The following DNAH6 variants were observed in gnomAD, a reference collection of about 807,000 sequenced individuals.
DNAH6 encodes the protein dynein axonemal heavy chain 6, also known as axonemal beta dynein heavy chain 6.
In DNAH6, 340 loss-of-function variants were observed where a neutral mutation model predicts 491.4. The ratio of observed to expected loss-of-function variants is 0.69; its 90% CI spans 0.63 to 0.76. The LOEUF is 0.76. Among genes scored for constraint, DNAH6 ranks in the 30% least tolerant of loss-of-function variants. The pLI is 0.00. For missense variants in DNAH6, 4,443 were observed against 4,972.2 expected (o/e 0.89, Z 3.20); for synonymous variants, 1,603 against 1,686.1 (o/e 0.95, Z 1.21).
At chr2:84,731,957 A>G (rs962377494) in intron 61 of DNAH6, among the ~76,000 whole-genome samples, 7 of 152,226 alleles carry the variant, frequency 4.6e-5, no homozygotes, top group African/African-American at 1.2e-4. Context: ...GTGGTGCTTA[A>G]CAGCTAGATG....
intron 64 of DNAH6, among the ~76,000 whole-genome samples, chr2:84,765,117 T>C (rs574093062): frequency 6.6e-6 from 1 of 152,050 alleles, no homozygotes; most frequent in Non-Finnish European, 1.5e-5. Context: ...GAATAAAATA[T>C]GTAAAATTAT....
At chr2:84,778,315 C>T (rs377048366) in intron 64 of DNAH6, 171 of 491,202 alleles carry the variant, frequency 3.5e-4, no homozygotes, top group African/African-American at 3.0e-3. Flanking sequence ...GGCAGTGGCT[C>T]CAGCGCCTGG....
At chr2:84,533,001 G>GA (rs1017057682) in intron 4 of DNAH6, among the ~76,000 whole-genome samples, 23 of 152,092 alleles carry the variant, frequency 1.5e-4, no homozygotes, top group Non-Finnish European at 2.9e-4. Flanking sequence ...ACACGTATGA[G>GA]AAAAATATGC....
At chr2:84,688,685 A>G in intron 45 of DNAH6, 92 bp downstream of exon 45, 1 of 1,016,174 alleles carries the variant, frequency 9.8e-7, no homozygotes, top group East Asian at 3.2e-5. Context: ...CTTCAAACAG[A>G]TTGCTAGATG....
intron 53 of DNAH6, among the ~76,000 whole-genome samples, chr2:84,707,285 G>A (rs1486433947): frequency 6.6e-6 from 1 of 152,170 alleles, no homozygotes; most frequent in Non-Finnish European, 1.5e-5. Flanking sequence ...AGAAAGCACT[G>A]TCTTCAACCA....
chr2:84,624,983 A>T lies in DNAH6; in HGVS notation c.4435A>T (p.Thr1479Ser). The T allele has an allele frequency of 6.4e-7, 1 of 1,551,650 alleles. No individual in the cohort carries two copies. The highest frequency in any genetic ancestry group is 8.7e-7 in the Non-Finnish European group (1 of 1,146,936). ...APAGPAGTGKTETTKDLAKAL... is the reference protein window; with the variant it reads ...APAGPAGTGKSETTKDLAKAL... ...AGCTGGTCCTGCTGGCACTGGGAAA[A>T]CAGAGACTACCAAAGATCTGGCAAA... Residue 1479 changes from threonine to serine, a missense_variant, in exon 29 of 77, where the codon ACA (threonine) becomes TCA (serine). Thr to Ser is a moderately conservative substitution (Grantham distance 58, BLOSUM62 1). Coordinates refer to ENST00000389394, the MANE Select transcript of DNAH6 (RefSeq NM_001370.2).
chr2:84,598,120 A>ATCTTTCTTTTCTTTCTTTCTTTCTTTCTT (rs1684797849), intron 18 of DNAH6, among the ~76,000 whole-genome samples: 1 of 107,950 alleles, frequency 9.3e-6, no homozygotes, highest in Non-Finnish European at 2.2e-5. Context: ...GGTTCTTTCT[A>ATCTTTCTTTTCTTTCTTTCTTTCTTTCTT]TCTTTCTTTT....
chr2:84,708,475 A>AGG (rs137904290), intron 54 of DNAH6, among the ~76,000 whole-genome samples: 1,879 of 49,620 alleles, frequency 0.038, 58 homozygotes, highest in Admixed American at 0.056. Context: ...AAAGAGAGAA[A>AGG]GGGGGGGGGG....
In DNAH6 at chr2:84,619,918, A is replaced by G. The variant is rs73943315; in HGVS notation, c.3792+14A>G. The G allele has an allele frequency of 2.4e-3, 3,683 of 1,541,418 alleles. 68 individuals are homozygous for G. In the African/African-American group the frequency reaches 0.043, roughly 18 times the overall value. On this transcript the variant is annotated intron_variant, in intron 24 of 76. Transcript: ENST00000389394. ...GAGGGAGAAAGGGTGAGGTGCTTTT[A>G]TTTATATTTCTTTATTGATGAACTT...
At chr2:84,659,795 A>G (rs1257999106) in intron 37 of DNAH6, among the ~76,000 whole-genome samples, 4 of 152,098 alleles carry the variant, frequency 2.6e-5, no homozygotes, top group Non-Finnish European at 5.9e-5. Context: ...CAGCCTGTGC[A>G]ATATAGCAAG....
chr2:84,679,309 C>T (rs1015776355), intron 41 of DNAH6, among the ~76,000 whole-genome samples: 2 of 152,160 alleles, frequency 1.3e-5, no homozygotes, highest in African/African-American at 4.8e-5. Context: ...AATGCCCAGA[C>T]ACGATTTGCA....
At chr2:84,613,785 A>G (rs1438393138) in intron 22 of DNAH6, among the ~76,000 whole-genome samples, 1 of 152,066 alleles carries the variant, frequency 6.6e-6, no homozygotes, top group Non-Finnish European at 1.5e-5. Context: ...TTCATATCAA[A>G]TATACTTGTT....
chr2:84,651,878 A>G (rs1325649620), intron 33 of DNAH6, among the ~76,000 whole-genome samples: 2 of 151,094 alleles, frequency 1.3e-5, no homozygotes, highest in African/African-American at 4.9e-5. Context: ...ATACATTTCT[A>G]TTTTTACAGC....
In DNAH6 at chr2:84,706,793, GA is replaced by G. The variant is rs2104851832; in HGVS notation, c.8728-99del. ...ATCACATCAAAGTCTTTTTGGACAT[GA>G]AAAGAGGAACATATATAAAATTTTT... On this transcript the variant is annotated intron_variant, in intron 52 of 76. Transcript: ENST00000389394. 3 of 1,349,306 alleles carry G rather than the reference GA, an allele frequency of 2.2e-6. No homozygotes were observed. The African/African-American group carries it at 4.6e-5, about 21-fold the overall frequency. The allele number at this position is 1,349,306 out of a possible 1,614,324, so 83.6% of individuals were successfully genotyped here. A position where few individuals can be genotyped will look rare whatever the true frequency, so the allele number is the denominator to read the frequency against.
chr2:84,729,389 C>G (rs1698939312), intron 61 of DNAH6, among the ~76,000 whole-genome samples: 1 of 152,216 alleles, frequency 6.6e-6, no homozygotes, highest in Non-Finnish European at 1.5e-5. Flanking sequence ...CCAGTTCACT[C>G]TGCTGCTGAC....
chr2:84,710,195 A>AG (rs1696895789), intron 55 of DNAH6, 92 bp from the exon 56 acceptor site: 1 of 1,462,560 alleles, frequency 6.8e-7, no homozygotes, highest in East Asian at 2.5e-5. Flanking sequence ...TCTAGATTGA[A>AG]TAACATTTCC....
intron 28 of DNAH6, 24 bp from the exon 29 acceptor site, chr2:84,624,878 T>G: frequency 1.3e-6 from 2 of 1,525,278 alleles, no homozygotes; most frequent in Non-Finnish European, 1.8e-6. Context: ...TCCCTTCATA[T>G]TGATAATGCA....
chr2:84,702,157 C>T (rs530629983), intron 49 of DNAH6, among the ~76,000 whole-genome samples: 2 of 152,314 alleles, frequency 1.3e-5, no homozygotes, highest in East Asian at 1.9e-4. Flanking sequence ...ACTGGGGTAT[C>T]AGCCAAACTG....
chr2:84,524,631 G>C (rs560022742), intron 2 of DNAH6, among the ~76,000 whole-genome samples: 4 of 152,030 alleles, frequency 2.6e-5, no homozygotes, highest in African/African-American at 9.7e-5. Flanking sequence ...GGCAGATCTG[G>C]TGGTAATGAA....
Sources: allele counts gnomAD v4.1 joint callset (sites outside exome capture counted in the v4.1 genomes callset), GRCh38; gene constraint gnomAD v4.1.1; transcripts MANE v1.5; gene names NCBI Gene and HGNC (gene_info 2026-07-23, HGNC 2026-07-21).